MBD2: variants seen among roughly 807,000 people sequenced by gnomAD.
MBD2 encodes methyl-CpG-binding domain protein 2.
Under a neutral mutation model 39.3 loss-of-function variants are expected in MBD2, and 9 were observed. The observed-to-expected ratio is 0.23, with a 90% CI of 0.14 to 0.40. The LOEUF (loss-of-function observed/expected upper bound fraction) is 0.40. Among genes scored for constraint, MBD2 ranks in the 10% least tolerant of loss-of-function variants. The probability of loss-of-function intolerance (pLI) is 1.00; values close to 1 mark genes in which losing one functional copy is unlikely to be tolerated. For synonymous variants in MBD2, 233 were observed against 211.1 expected (o/e 1.10, Z -0.90); for missense variants, 458 against 532.6 (o/e 0.86, Z 1.38).
At position 54,159,825 on chromosome 18, in the gene MBD2, A is replaced by G; in HGVS notation, c.1188T>C (p.Ala396=). 6.2e-7 allele frequency: 1 copy of G among 1,612,734 alleles called. No homozygotes were observed. Among genetic ancestry groups the G allele is most frequent in the South Asian group, 1.1e-5 (1 of 91,080 alleles). The part of the protein sequence containing the change: ...ALMADILSRA[A]DTEEMDIEMD... ...TTTCAATATCCATCTCTTCTGTATCAGCAGCTCGCGACAAGATGTCTGCCA... is the reference window on the plus strand; with the variant it reads ...TTTCAATATCCATCTCTTCTGTATCGGCAGCTCGCGACAAGATGTCTGCCA... The change falls in exon 6 of 7, where the codon GCT becomes GCC. Residue 396 remains alanine (A), a synonymous_variant. Coordinates refer to ENST00000256429, the MANE Select transcript of MBD2 (RefSeq NM_003927.5).
chr18:54,211,083 G>C (rs2086501890), intron 1 of MBD2, among the ~76,000 whole-genome samples: 2 of 151,180 alleles, frequency 1.3e-5, no homozygotes, highest in African/African-American at 4.9e-5. Flanking sequence ...GTTTTAGCCG[G>C]GATGGTCTCG....
chr18:54,210,810 A>T (rs1244346357), intron 1 of MBD2, among the ~76,000 whole-genome samples: 1 of 152,086 alleles, frequency 6.6e-6, no homozygotes, highest in Non-Finnish European at 1.5e-5. Context: ...CACACTAAAA[A>T]TTCTGTAAGC....
At chr18:54,159,726 A>G in intron 6 of MBD2, 39 bp downstream of exon 6, 1 of 1,593,180 alleles carries the variant, frequency 6.3e-7, no homozygotes, top group Non-Finnish European at 8.5e-7. Context: ...AAGAAAACAC[A>G]CCTTAAGTTC....
chr18:54,224,142 C>A lies in MBD2; in HGVS notation c.418G>T (p.Gly140Ter). ...TTCCCGCTCTCCGTGGCCCGGGGTC[C>A]CCTGGGCCCCGGCCCCGCGCTCCCC... ...PSGSAGPGPR[G>*]PRATESGKRM... Residue 140 changes from glycine to a stop codon, truncating the protein, a stop_gained, in exon 1 of 7, where the codon GGA (glycine) becomes TGA (stop). Coordinates refer to ENST00000256429, the MANE Select transcript of MBD2 (RefSeq NM_003927.5). LOFTEE classifies it high-confidence loss of function. 1 of 1,518,338 alleles carries A rather than the reference C, an allele frequency of 6.6e-7. No homozygotes were observed. The highest frequency in any genetic ancestry group is 1.9e-5 in the Admixed American group (1 of 51,584). 94.1% of individuals were successfully genotyped at this position (1,518,338 alleles called of 1,614,324 possible).
At position 54,176,203 on chromosome 18, in the gene MBD2, G is replaced by A. The variant is rs999331390; in HGVS notation, c.841-10037C>T. On this transcript the variant is annotated intron_variant, in intron 3 of 6. Coordinates refer to ENST00000256429, the MANE Select transcript of MBD2 (RefSeq NM_003927.5). ...GAGGGAGGACAGGGTGATAGAAAGC[G>A]CTGGTTTGGCAGCTAAATGCTTTAA... Among the ~76,000 whole-genome samples the A allele has an allele frequency of 4.6e-5, 7 of 152,240 alleles. No individual in the cohort carries two copies. In the East Asian group the frequency reaches 5.8e-4, roughly 13 times the overall value.
Position 54,169,066 on chromosome 18 carries a change from G to A in MBD2, c.841-2900C>T, listed in dbSNP as rs537902910. Among the ~76,000 whole-genome samples, 14 of 152,292 alleles carry A rather than the reference G, an allele frequency of 9.2e-5. No individual in the cohort carries two copies. In the South Asian group the frequency reaches 1.9e-3, roughly 20 times the overall value. ...TTCCACTCCTATGATACCCAGAAAAGGAAAACCTATAGGGAAGGTTGCCCC... is the reference window on the plus strand; with the variant it reads ...TTCCACTCCTATGATACCCAGAAAAAGAAAACCTATAGGGAAGGTTGCCCC... On this transcript the variant is annotated intron_variant, in intron 3 of 6. Transcript: ENST00000256429.
intron 3 of MBD2, among the ~76,000 whole-genome samples, chr18:54,188,531 A>G (rs1468783183): frequency 1.3e-5 from 2 of 152,200 alleles, no homozygotes; most frequent in Admixed American, 1.3e-4. Flanking sequence ...AAACTAAGCA[A>G]CACAAACTAC....
intron 5 of MBD2, 132 bp from the exon 6 acceptor site, chr18:54,160,035 G>T: frequency 2.9e-6 from 3 of 1,041,388 alleles, no homozygotes; most frequent in Non-Finnish European, 4.1e-6. Context: ...TCAGATTTTT[G>T]CAGAGGTTGC....
chr18:54,219,292 A>G (rs1469212656), intron 1 of MBD2, among the ~76,000 whole-genome samples: 1 of 152,328 alleles, frequency 6.6e-6, no homozygotes, highest in South Asian at 2.1e-4. Flanking sequence ...AAATACCTCA[A>G]CCAATTTTAT....
rs144111804 is a variant in MBD2 at position 54,170,317 on chromosome 18, C to T, written c.841-4151G>A. ...TAAAATGAACCCACGATAGCATTTT[C>T]TTTTCATAATTGTTATATATTTAAC... On this transcript the variant is annotated intron_variant, in intron 3 of 6. Transcript: ENST00000256429. Among the ~76,000 whole-genome samples the T allele has an allele frequency of 5.1e-3, 780 of 152,262 alleles. 8 individuals are homozygous for T. The highest frequency in any genetic ancestry group is 0.017 in the African/African-American group (712 of 41,542).
At chr18:54,170,837 T>C (rs940081789) in intron 3 of MBD2, among the ~76,000 whole-genome samples, 3 of 152,176 alleles carry the variant, frequency 2.0e-5, no homozygotes, top group African/African-American at 7.2e-5. Flanking sequence ...GTAAGAATTC[T>C]ATAAGCATGT....
In MBD2 at chr18:54,168,456, A is replaced by G. The variant is rs189503923; in HGVS notation, c.841-2290T>C. On this transcript the variant is annotated intron_variant, in intron 3 of 6. Transcript: ENST00000256429. ...TCTGATATGTGTGGATGCCCTCTTTATAAGAGAGGACATAAGAAACTAAGA... is the reference window on the plus strand; with the variant it reads ...TCTGATATGTGTGGATGCCCTCTTTGTAAGAGAGGACATAAGAAACTAAGA... Among the ~76,000 whole-genome samples, 32 of 151,750 alleles carry G rather than the reference A, an allele frequency of 2.1e-4. No homozygotes were observed. In the East Asian group the frequency reaches 5.4e-3, roughly 26 times the overall value.
Position 54,224,503 on chromosome 18 carries a change from A to G in MBD2, c.57T>C (p.Ser19=), listed in dbSNP as rs928595690. 4.1e-6 allele frequency: 5 copies of G among 1,210,480 alleles called. No individual in the cohort carries two copies. The highest frequency in any genetic ancestry group is 8.6e-5 in the Admixed American group (2 of 23,224). The allele number at this position is 1,210,480 out of a possible 1,614,324, so 75.0% of individuals were successfully genotyped here. A position where few individuals can be genotyped will look rare whatever the true frequency, so the allele number is the denominator to read the frequency against. The stretch of plus-strand genomic sequence containing the variant: ...CGCCAGCGCCGCTGCCGCCCGCCGC[A>G]CTCTCCCCCTCCTCCTGCTCCGGGC... ...RCCPEQEEGE[S]AAGGSGAGGD... is the part of the protein sequence containing the mutation. The change falls in exon 1 of 7, where the codon AGT becomes AGC. Residue 19 remains serine, a synonymous_variant. Coordinates refer to ENST00000256429, the MANE Select transcript of MBD2 (RefSeq NM_003927.5).
At chr18:54,156,521 A>G (rs2086052543) in intron 6 of MBD2, among the ~76,000 whole-genome samples, 1 of 152,194 alleles carries the variant, frequency 6.6e-6, no homozygotes, top group Non-Finnish European at 1.5e-5. Flanking sequence ...AAACAAGGGT[A>G]TAGCCTGGAT....
At chr18:54,179,891 A>G (rs994702951) in intron 3 of MBD2, among the ~76,000 whole-genome samples, 3 of 124,450 alleles carry the variant, frequency 2.4e-5, no homozygotes, top group Non-Finnish European at 5.2e-5. Context: ...TAAAATAGAA[A>G]AAGGACAAAA....
chr18:54,201,339 T>A (rs2086406102), intron 2 of MBD2, among the ~76,000 whole-genome samples: 1 of 152,310 alleles, frequency 6.6e-6, no homozygotes, highest in Middle Eastern at 3.4e-3. Context: ...TATTTCAACG[T>A]CAGTTGAAGA....
At chr18:54,222,252 A>G in intron 1 of MBD2, 1 of 428,336 alleles carries the variant, frequency 2.3e-6, no homozygotes, top group Non-Finnish European at 4.7e-6. Context: ...ATCTTTTTTT[A>G]ACCACAATAA....
Position 54,224,621 on chromosome 18 carries a change from A to G in MBD2, c.-62T>C, listed in dbSNP as rs1339048750. Reference sequence around the variant, plus strand: ...TAACCGAGCCCTTGGAATCCCGGAGACCCGCCCCGCCCGCAGCGCGGCGCG... The same window carrying G: ...TAACCGAGCCCTTGGAATCCCGGAGGCCCGCCCCGCCCGCAGCGCGGCGCG... On this transcript the variant is annotated 5_prime_UTR_variant, in exon 1 of 7. Coordinates refer to ENST00000256429, the MANE Select transcript of MBD2 (RefSeq NM_003927.5). 1.1e-5 allele frequency: 13 copies of G among 1,161,890 alleles called. No homozygotes were observed. In the East Asian group the frequency reaches 2.2e-4, roughly 20 times the overall value. The allele number at this position is 1,161,890 out of a possible 1,614,324, so 72.0% of individuals were successfully genotyped here.
At chr18:54,174,837 T>G (rs1023089790) in intron 3 of MBD2, among the ~76,000 whole-genome samples, 2 of 152,214 alleles carry the variant, frequency 1.3e-5, no homozygotes, top group African/African-American at 4.8e-5. Flanking sequence ...GAAGGGGCTC[T>G]CTTATTTACC....
Sources: gnomAD v4.1 joint callset for allele counts (sites outside exome capture counted in the v4.1 genomes callset) on GRCh38, gnomAD v4.1.1 for gene constraint, MANE v1.5 for transcripts, NCBI Gene and HGNC (gene_info 2026-07-23, HGNC 2026-07-21) for gene names.